RIMS2: variants seen among roughly 807,000 people sequenced by gnomAD.
The protein encoded by RIMS2 is regulating synaptic membrane exocytosis protein 2.
In RIMS2, 59 loss-of-function variants were observed where a neutral mutation model predicts 174.4. That is an observed-to-expected ratio of 0.34 (90% confidence interval 0.27 to 0.42). The LOEUF is 0.42. Ranked by LOEUF, RIMS2 falls within the 10% of genes least tolerant of loss-of-function variation. The probability of loss-of-function intolerance (pLI) is 1.00; values close to 1 mark genes in which losing one functional copy is unlikely to be tolerated. For synonymous variants in RIMS2, 606 were observed against 572.5 expected, an observed-to-expected ratio of 1.06 and a Z score of -0.84; for missense variants, 1,620 against 1,666.3, an observed-to-expected ratio of 0.97 and a Z score of 0.48.
At chr8:103,934,596 C>G (rs933593405) in intron 12 of RIMS2, among the ~76,000 whole-genome samples, 1 of 152,078 alleles carries the variant, frequency 6.6e-6, no homozygotes, top group African/African-American at 2.4e-5. Context: ...TATAGAAATC[C>G]TGTCTAAAAT....
intron 3 of RIMS2, among the ~76,000 whole-genome samples, chr8:103,787,169 G>A (rs1182784246): frequency 6.8e-6 from 1 of 147,692 alleles, no homozygotes; most frequent in Non-Finnish European, 1.5e-5. Flanking sequence ...GTGTGTCTCT[G>A]CACATGAGAT....
intron 19 of RIMS2, among the ~76,000 whole-genome samples, chr8:104,087,863 C>T (rs2097563877): frequency 6.6e-6 from 1 of 152,030 alleles, no homozygotes; most frequent in Non-Finnish European, 1.5e-5. Context: ...GCATGATGTT[C>T]GTTAGGCTCA....
intron 17 of RIMS2, among the ~76,000 whole-genome samples, chr8:104,007,278 C>T (rs2154553007): frequency 6.6e-6 from 1 of 152,260 alleles, no homozygotes; most frequent in South Asian, 2.1e-4. Context: ...TACTACAAGT[C>T]AGAGCCTTTT....
intron 19 of RIMS2, among the ~76,000 whole-genome samples, chr8:104,217,130 C>A (rs1332351288): frequency 6.6e-6 from 1 of 152,080 alleles, no homozygotes; most frequent in African/African-American, 2.4e-5. Context: ...TGAGTTAAAT[C>A]TTACCATTAG....
At chr8:103,817,791 A>C (rs897674321) in intron 3 of RIMS2, among the ~76,000 whole-genome samples, 4 of 152,136 alleles carry the variant, frequency 2.6e-5, no homozygotes, top group Admixed American at 2.0e-4. Context: ...ATAATTAATT[A>C]ATTTAAAAAT....
At chr8:103,989,542 C>G (rs72683126) in intron 17 of RIMS2, 121 bp downstream of exon 19, 81,591 of 546,780 alleles carry the variant, frequency 0.15, 7,566 homozygotes, top group Non-Finnish European at 0.19. Context: ...ATGTTTTTCT[C>G]TTACAACGCT....
intron 19 of RIMS2, among the ~76,000 whole-genome samples, chr8:104,155,842 T>A (rs547059323): frequency 3.3e-5 from 5 of 152,286 alleles, no homozygotes; most frequent in Non-Finnish European, 7.4e-5. Flanking sequence ...AAGCTCTTCA[T>A]CAGCCCCCAA....
rs1472049188 is a variant in RIMS2, at chr8:104,244,999, C to T, written c.3418C>T (p.Arg1140Ter). 2 of 1,613,752 alleles carry T rather than the reference C, an allele frequency of 1.2e-6. No homozygotes were observed. Among genetic ancestry groups the T allele is most frequent in the African/African-American group, 1.3e-5 (1 of 74,892 alleles). Reference sequence around the variant, plus strand: ...CGTGGAAATGAGGAACTGGATGACTCGACAGGCAAGCCGAGAGTCTACAGA... The same window carrying T: ...CGTGGAAATGAGGAACTGGATGACTTGACAGGCAAGCCGAGAGTCTACAGA... Residue 1140 changes from arginine (R) to a stop codon, truncating the protein, a stop_gained, in exon 20 of 24, where the codon CGA becomes TGA. Coordinates refer to ENST00000504942, the Ensembl canonical transcript of RIMS2. LOFTEE classifies it high-confidence loss of function.
At chr8:103,538,348 G>A (rs903795288) in intron 1 of RIMS2, among the ~76,000 whole-genome samples, 9 of 151,330 alleles carry the variant, frequency 5.9e-5, no homozygotes, top group South Asian at 2.1e-4. Context: ...TTATTTTTCC[G>A]TAAGTTATTG....
At chr8:104,175,937 T>A (rs2098888008) in intron 19 of RIMS2, among the ~76,000 whole-genome samples, 1 of 152,150 alleles carries the variant, frequency 6.6e-6, no homozygotes, top group African/African-American at 2.4e-5. Flanking sequence ...GCTGTATAAT[T>A]CTCTTCATGT....
intron 19 of RIMS2, among the ~76,000 whole-genome samples, chr8:104,187,833 T>TA (rs963277507): frequency 5.7e-4 from 87 of 151,884 alleles, no homozygotes; most frequent in African/African-American, 2.0e-3. Context: ...AAGCTTGGTA[T>TA]AAAAAAATGT....
In RIMS2 at chr8:103,568,727, C is replaced by T. The variant is rs1587943514; in HGVS notation, c.176+67665C>T. The T allele has an allele frequency of 4.5e-6, 4 of 894,708 alleles. No individual in the cohort carries two copies. In the East Asian group the frequency reaches 1.2e-4, roughly 26 times the overall value. The allele number at this position is 894,708 out of a possible 1,614,324, so 55.4% of individuals were successfully genotyped here. On this transcript the variant is annotated intron_variant, in intron 1 of 23. Transcript: ENST00000504942. The stretch of plus-strand genomic sequence containing the variant: ...CTTCTAGCTTACATAAGGGAGTAGC[C>T]TATAAAGCAGCTGTAGATTCTTCAC...
chr8:103,764,399 C>T (rs779640352), intron 2 of RIMS2, among the ~76,000 whole-genome samples: 10 of 152,142 alleles, frequency 6.6e-5, no homozygotes. Flanking sequence ...AGTTGACATT[C>T]AAACTTCATT....
At chr8:104,044,141 C>T (rs781414618) in intron 19 of RIMS2, among the ~76,000 whole-genome samples, 1 of 151,452 alleles carries the variant, frequency 6.6e-6, no homozygotes, top group African/African-American at 2.4e-5. Flanking sequence ...AGGAAATGAA[C>T]GTTCTCTGAT....
intron 1 of RIMS2, among the ~76,000 whole-genome samples, chr8:103,602,057 C>A (rs1367080565): frequency 2.6e-5 from 4 of 152,096 alleles, no homozygotes; most frequent in South Asian, 2.1e-4. Context: ...ATGATTCTGG[C>A]TCACTGCCAC....
At chr8:104,080,973 C>G (rs1174623267) in intron 19 of RIMS2, among the ~76,000 whole-genome samples, 1 of 151,940 alleles carries the variant, frequency 6.6e-6, no homozygotes, top group Non-Finnish European at 1.5e-5. Context: ...AGCACTAGGC[C>G]TAGCACATGG....
chr8:103,998,131 T>A, intron 17 of RIMS2: 1 of 1,306,518 alleles, frequency 7.7e-7, no homozygotes, highest in Middle Eastern at 1.9e-4. Context: ...CTATACTTTT[T>A]TTTCACTTCT....
At chr8:103,911,987 A>T in intron 5 of RIMS2, 66 bp from the exon 9 acceptor site, 1 of 1,266,140 alleles carries the variant, frequency 7.9e-7, no homozygotes, top group Non-Finnish European at 1.1e-6. Context: ...TTTGTCATAA[A>T]ACGATAAATA....
intron 19 of RIMS2, among the ~76,000 whole-genome samples, chr8:104,072,825 T>G (rs2097217637): frequency 6.6e-6 from 1 of 152,200 alleles, no homozygotes; most frequent in Non-Finnish European, 1.5e-5. Context: ...ACTGTCTTTC[T>G]AAGAATATTT....
Sources: allele counts gnomAD v4.1 joint callset (sites outside exome capture counted in the v4.1 genomes callset), GRCh38; gene constraint gnomAD v4.1.1; transcripts MANE v1.5; gene names NCBI Gene and HGNC (gene_info 2026-07-23, HGNC 2026-07-21).